CSMD1: variants seen among roughly 807,000 people sequenced by gnomAD.
CSMD1 encodes the protein CUB and Sushi multiple domains 1, also known as CUB and sushi domain-containing protein 1.
CSMD1 carries 213 observed loss-of-function variants against 417.5 expected under a neutral mutation model. That is an observed-to-expected ratio of 0.51 (90% CI 0.46 to 0.57). The LOEUF (loss-of-function observed/expected upper bound fraction) is 0.57, where lower values mean the gene tolerates loss of function less well. Ranked by LOEUF, CSMD1 falls within the 20% of genes least tolerant of loss-of-function variation. CSMD1 has a pLI of 0.00. For missense variants in CSMD1, 6,923 were observed against 4,529.7 expected (o/e 1.53, Z -15.17); for synonymous variants, 2,862 against 1,736.8 (o/e 1.65, Z -16.11).
intron 7 of CSMD1, among the ~76,000 whole-genome samples, chr8:3,619,234 C>G (rs1359015728): frequency 1.3e-5 from 2 of 152,152 alleles, no homozygotes; most frequent in Non-Finnish European, 2.9e-5. Flanking sequence ...CAAACCCAGA[C>G]AGGACATGTA....
chr8:3,564,755 C>CA (rs1554471571), intron 10 of CSMD1, among the ~76,000 whole-genome samples: 12 of 151,468 alleles, frequency 7.9e-5, no homozygotes, highest in African/African-American at 1.2e-4. Flanking sequence ...ACAAAAAACC[C>CA]AAAAAACCAC....
chr8:3,453,457 A>T (rs1041830086), intron 12 of CSMD1, among the ~76,000 whole-genome samples: 8 of 152,072 alleles, frequency 5.3e-5, no homozygotes, highest in Non-Finnish European at 1.5e-5. Flanking sequence ...TTAGTGCTAT[A>T]AATTTCCCTC....
At chr8:3,751,817 C>T (rs1797357872) in intron 6 of CSMD1, among the ~76,000 whole-genome samples, 1 of 151,986 alleles carries the variant, frequency 6.6e-6, no homozygotes, top group South Asian at 2.1e-4. Context: ...GAGAAACAAA[C>T]GCTTAGAAAT....
At position 3,868,631 on chromosome 8, in the gene CSMD1, A is replaced by G. The variant is rs570575792; in HGVS notation, c.819-114589T>C. ...ACCCGAACCTCACATGCATATAAAC[A>G]AGTTCCTAATATTTCTCCTCAAACT... On this transcript the variant is annotated intron_variant, in intron 5 of 69. Transcript: ENST00000635120. 7.9e-5 allele frequency among the ~76,000 whole-genome samples: 12 copies of G among 152,228 alleles called. No homozygotes were observed. The East Asian group carries it at 1.9e-3, about 25-fold the overall frequency.
intron 2 of CSMD1, among the ~76,000 whole-genome samples, chr8:4,622,925 G>C (rs1285804141): frequency 6.6e-6 from 1 of 152,040 alleles, no homozygotes; most frequent in African/African-American, 2.4e-5. Flanking sequence ...ACGGAATACA[G>C]ATTAATATTT....
intron 3 of CSMD1, among the ~76,000 whole-genome samples, chr8:4,252,514 T>TC (rs1393757485): frequency 1.3e-5 from 2 of 152,196 alleles, no homozygotes; most frequent in Admixed American, 1.3e-4. Flanking sequence ...ATGTCCTGTT[T>TC]CCTCAAACAC....
chr8:3,994,909 T>G (rs1030882306), intron 5 of CSMD1, among the ~76,000 whole-genome samples: 1 of 152,116 alleles, frequency 6.6e-6, no homozygotes, highest in Non-Finnish European at 1.5e-5. Context: ...AAAAATAGAT[T>G]ATTGGAAGAT....
At chr8:4,549,643 C>A (rs1797777860) in intron 2 of CSMD1, among the ~76,000 whole-genome samples, 1 of 151,938 alleles carries the variant, frequency 6.6e-6, no homozygotes, top group Non-Finnish European at 1.5e-5. Flanking sequence ...AATCCCAGCA[C>A]CTTGGGAGGC....
At chr8:4,174,554 T>G (rs1797936067) in intron 3 of CSMD1, among the ~76,000 whole-genome samples, 1 of 150,834 alleles carries the variant, frequency 6.6e-6, no homozygotes, top group Admixed American at 6.6e-5. Context: ...AAGAGATGTT[T>G]TTATAAATAC....
chr8:2,963,808 A>G (rs1803709382), intron 59 of CSMD1, among the ~76,000 whole-genome samples: 1 of 152,166 alleles, frequency 6.6e-6, no homozygotes, highest in African/African-American at 2.4e-5. Flanking sequence ...TGTATTTTTT[A>G]TTTAAAGATG....
chr8:3,969,863 G>A (rs563573333), intron 5 of CSMD1, among the ~76,000 whole-genome samples: 78 of 152,292 alleles, frequency 5.1e-4, no homozygotes, highest in African/African-American at 1.9e-3. Flanking sequence ...TTTCTAGAAA[G>A]CTGTCAAATT....
chr8:4,515,381 A>C (rs563655102), intron 2 of CSMD1, among the ~76,000 whole-genome samples: 12 of 152,260 alleles, frequency 7.9e-5, no homozygotes, highest in Admixed American at 5.2e-4. Flanking sequence ...AGAGATGTTA[A>C]ATGTTATGGG....
chr8:4,757,312 T>C (rs189965243), intron 1 of CSMD1, among the ~76,000 whole-genome samples: 25 of 152,332 alleles, frequency 1.6e-4, no homozygotes, highest in Admixed American at 1.4e-3. Context: ...AATCATAACC[T>C]GGCTATCATG....
intron 2 of CSMD1, among the ~76,000 whole-genome samples, chr8:4,420,344 G>C (rs762084506): frequency 6.6e-6 from 1 of 151,566 alleles, no homozygotes; most frequent in Admixed American, 6.6e-5. Context: ...CCTCGTTTTT[G>C]GATGGCAATT....
chr8:3,376,893 C>G (rs1237582377), intron 18 of CSMD1, among the ~76,000 whole-genome samples: 2 of 152,018 alleles, frequency 1.3e-5, no homozygotes, highest in African/African-American at 4.8e-5. Context: ...TAAGAGATTG[C>G]TTAAGATTTG....
At chr8:4,011,996 A>T (rs930954612) in intron 4 of CSMD1, among the ~76,000 whole-genome samples, 52 of 151,554 alleles carry the variant, frequency 3.4e-4, no homozygotes, top group Middle Eastern at 3.4e-3. Context: ...AATGGCTGTT[A>T]TACTGTATTG....
chr8:4,359,800 G>C (rs1382948849), intron 3 of CSMD1, among the ~76,000 whole-genome samples: 1 of 152,202 alleles, frequency 6.6e-6, no homozygotes, highest in Non-Finnish European at 1.5e-5. Flanking sequence ...AATGAGTACA[G>C]GCTAGTTGCA....
At chr8:4,035,448 A>C (rs1294670154) in intron 3 of CSMD1, among the ~76,000 whole-genome samples, 1 of 152,210 alleles carries the variant, frequency 6.6e-6, no homozygotes, top group Non-Finnish European at 1.5e-5. Flanking sequence ...TTCAGGAAGG[A>C]TTCCAAAAGG....
At chr8:4,804,261 C>A (rs986721110) in intron 1 of CSMD1, among the ~76,000 whole-genome samples, 1 of 151,950 alleles carries the variant, frequency 6.6e-6, no homozygotes, top group Admixed American at 6.6e-5. Flanking sequence ...GGAAAATAAG[C>A]CTCTAATTAT....
Sources: gnomAD v4.1 joint callset for allele counts (sites outside exome capture counted in the v4.1 genomes callset) on GRCh38, gnomAD v4.1.1 for gene constraint, MANE v1.5 for transcripts, NCBI Gene and HGNC (gene_info 2026-07-23, HGNC 2026-07-21) for gene names.